The following TM4SF19 variants were observed in gnomAD, a reference collection of about 807,000 sequenced individuals.
TM4SF19 encodes the protein transmembrane 4 L six family member 19.
TM4SF19 carries 17 observed loss-of-function variants against 21.8 expected under a neutral mutation model. The observed-to-expected ratio is 0.78, with a 90% CI of 0.53 to 1.17. TM4SF19 has a LOEUF of 1.17. TM4SF19 is among the 50% of genes most tolerant of loss of function. The pLI is 0.00. For synonymous variants in TM4SF19, 107 were observed against 106.7 expected, an observed-to-expected ratio of 1.00 and a Z score of -0.02; for missense variants, 216 against 252.1, an observed-to-expected ratio of 0.86 and a Z score of 0.97.
intron 1 of TM4SF19, among the ~76,000 whole-genome samples, chr3:196,332,211 C>T (rs1413291909): frequency 2.0e-5 from 3 of 151,504 alleles, no homozygotes; most frequent in African/African-American, 4.9e-5. Context: ...GCTGAGATCA[C>T]GCCAGTGCAC....
intron 1 of TM4SF19, among the ~76,000 whole-genome samples, chr3:196,332,847 A>ATT (rs1560205105): frequency 1.7e-4 from 18 of 106,372 alleles, no homozygotes; most frequent in African/African-American, 3.3e-4. Context: ...TTCAACTTAC[A>ATT]ATTTTTTTTT....
intron 1 of TM4SF19, among the ~76,000 whole-genome samples, chr3:196,328,258 CCACTG>C (rs1727384593): frequency 2.0e-5 from 3 of 151,518 alleles, no homozygotes; most frequent in Admixed American, 2.0e-4. Flanking sequence ...TGAGATCATG[CCACTG>C]CACTCCAGCC....
intron 1 of TM4SF19, among the ~76,000 whole-genome samples, chr3:196,336,526 G>C (rs2108814366): frequency 6.6e-6 from 1 of 152,364 alleles, no homozygotes; most frequent in South Asian, 2.1e-4. Context: ...GTGGAATTCA[G>C]AGCCCTGGCT....
chr3:196,326,067 C>G (rs1359866268), intron 3 of TM4SF19, among the ~76,000 whole-genome samples: 1 of 152,134 alleles, frequency 6.6e-6, no homozygotes, highest in Admixed American at 6.5e-5. Context: ...CTCCGCCTCC[C>G]GGGTTCAAGA....
At chr3:196,334,641 A>C (rs1727651282) in intron 1 of TM4SF19, among the ~76,000 whole-genome samples, 1 of 151,914 alleles carries the variant, frequency 6.6e-6, no homozygotes, top group Non-Finnish European at 1.5e-5. Flanking sequence ...TTTAGTAAAG[A>C]CAGGGTTTCA....
intron 3 of TM4SF19, among the ~76,000 whole-genome samples, chr3:196,326,346 G>A (rs1319398028): frequency 6.6e-6 from 1 of 152,056 alleles, no homozygotes; most frequent in African/African-American, 2.4e-5. Context: ...ATCAGAGCAG[G>A]CTGTGGAGTT....
chr3:196,328,472 T>C (rs181127056), intron 1 of TM4SF19, among the ~76,000 whole-genome samples: 56 of 152,228 alleles, frequency 3.7e-4, no homozygotes, highest in Non-Finnish European at 4.9e-4. Context: ...AAATTGAGGA[T>C]TGAAATTAAA....
At chr3:196,331,337 G>A (rs1169040496) in intron 1 of TM4SF19, among the ~76,000 whole-genome samples, 1 of 150,796 alleles carries the variant, frequency 6.6e-6, no homozygotes, top group Non-Finnish European at 1.5e-5. Context: ...TAATATTTGG[G>A]CAGACTCATG....
chr3:196,332,312 CT>C, intron 1 of TM4SF19, among the ~76,000 whole-genome samples: 1 of 150,430 alleles, frequency 6.6e-6, no homozygotes, highest in East Asian at 2.0e-4. Context: ...TACTCAGGAG[CT>C]TGAGGCAGGA....
chr3:196,330,966 T>C (rs1411335250), intron 1 of TM4SF19, among the ~76,000 whole-genome samples: 1 of 152,196 alleles, frequency 6.6e-6, no homozygotes, highest in Non-Finnish European at 1.5e-5. Flanking sequence ...TGTGAACTTC[T>C]TGTTTTTTAG....
rs376313242 is a variant in TM4SF19, at chr3:196,336,957, TG to T, written c.-2+1306del. On this transcript the variant is annotated intron_variant, in intron 1 of 4. Transcript: ENST00000273695. ...AAGTGATCACTACCTGACAGACACTTGGGGGGCTAGGGATATAACGATGAAA... is the reference window on the plus strand; with the variant it reads ...AAGTGATCACTACCTGACAGACACTTGGGGGCTAGGGATATAACGATGAAA... 9.0e-4 allele frequency among the ~76,000 whole-genome samples: 137 copies of T among 151,884 alleles called. 2 individuals carry two copies. Among genetic ancestry groups the T allele is most frequent in the African/African-American group, 3.0e-3 (125 of 41,404 alleles).
At position 196,323,800 on chromosome 3, in the gene TM4SF19, AGTGAAGGT is replaced by A. The variant is rs1209949673; in HGVS notation, c.*9_*16del. The stretch of plus-strand genomic sequence containing the variant: ...GATGATGAAAACACCCATGCTTGCA[AGTGAAGGT>A]TCTGCCTGTCACTTCTCGCAGAGGC... On this transcript the variant is annotated 3_prime_UTR_variant, in exon 5 of 5. Transcript: ENST00000273695. The A allele has an allele frequency of 1.5e-5, 24 of 1,614,174 alleles. No individual in the cohort carries two copies. The highest frequency in any genetic ancestry group is 2.0e-5 in the Non-Finnish European group (24 of 1,180,038).
intron 1 of TM4SF19, among the ~76,000 whole-genome samples, chr3:196,335,599 G>A (rs1057432338): frequency 1.9e-4 from 28 of 151,344 alleles, no homozygotes; most frequent in Non-Finnish European, 2.2e-4. Context: ...TCCTGGGGCA[G>A]GGTGGGGTCA....
chr3:196,336,212 C>T (rs901319340), intron 1 of TM4SF19, among the ~76,000 whole-genome samples: 1 of 151,870 alleles, frequency 6.6e-6, no homozygotes, highest in Non-Finnish European at 1.5e-5. Context: ...GGCCTCAGCT[C>T]ACTGCTACCT....
At chr3:196,337,051 CTTTTTTTTTTT>C (rs35897935) in intron 1 of TM4SF19, among the ~76,000 whole-genome samples, 4 of 67,836 alleles carry the variant, frequency 5.9e-5, no homozygotes, top group South Asian at 5.6e-4. Flanking sequence ...AAAAGCAATT[CTTTTTTTTTTT>C]TTTTTTTTTT....
chr3:196,332,819 G>C (rs1450571347), intron 1 of TM4SF19, among the ~76,000 whole-genome samples: 3 of 148,838 alleles, frequency 2.0e-5, no homozygotes, highest in African/African-American at 7.4e-5. Flanking sequence ...ACAGTAGACT[G>C]TCCCTGACTC....
At chr3:196,327,647 G>A in intron 1 of TM4SF19, 56 bp from the exon 2 acceptor site, 1 of 1,456,838 alleles carries the variant, frequency 6.9e-7, no homozygotes. Context: ...ATGGGGAAGG[G>A]AACTCCAGCA....
chr3:196,331,923 C>T (rs1017576839), intron 1 of TM4SF19, among the ~76,000 whole-genome samples: 8 of 152,082 alleles, frequency 5.3e-5, no homozygotes, highest in Admixed American at 3.3e-4. Context: ...TGCACTTGGC[C>T]ACTTGAGGCT....
intron 1 of TM4SF19, among the ~76,000 whole-genome samples, chr3:196,331,937 G>A (rs1272953922): frequency 6.6e-6 from 1 of 151,900 alleles, no homozygotes; most frequent in Non-Finnish European, 1.5e-5. Context: ...TGAGGCTCTT[G>A]ACACGCCTAT....
Sources: allele counts gnomAD v4.1 joint callset (sites outside exome capture counted in the v4.1 genomes callset), GRCh38; gene constraint gnomAD v4.1.1; transcripts MANE v1.5; gene names NCBI Gene and HGNC (gene_info 2026-07-23, HGNC 2026-07-21).